SNX29: variants seen among roughly 807,000 people sequenced by gnomAD.
SNX29 encodes the protein sorting nexin-29.
A neutral mutation model predicts 102.1 loss-of-function variants in SNX29; 78 were observed. The observed-to-expected ratio is 0.76, with a 90% CI of 0.64 to 0.92. SNX29 has a LOEUF of 0.92. Ranked by LOEUF, SNX29 falls within the 40% of genes least tolerant of loss-of-function variation. The pLI is 0.00. For missense variants in SNX29, 1,280 were observed against 1,061.7 expected, an observed-to-expected ratio of 1.21 and a Z score of -2.86; for synonymous variants, 580 against 414.5, an observed-to-expected ratio of 1.40 and a Z score of -4.85.
chr16:12,164,380 T>C (rs1249136765), intron 13 of SNX29, among the ~76,000 whole-genome samples: 2 of 152,210 alleles, frequency 1.3e-5, no homozygotes, highest in African/African-American at 2.4e-5. Flanking sequence ...CGATAGTGAA[T>C]GACTGTAATA....
At chr16:12,080,112 G>A (rs2051790935) in intron 11 of SNX29, among the ~76,000 whole-genome samples, 1 of 152,082 alleles carries the variant, frequency 6.6e-6, no homozygotes, top group South Asian at 2.1e-4. Context: ...AAACGTTGAA[G>A]CTCCCCCGAC....
chr16:12,548,317 C>T (rs2077738796), intron 20 of SNX29, among the ~76,000 whole-genome samples: 1 of 152,210 alleles, frequency 6.6e-6, no homozygotes, highest in Non-Finnish European at 1.5e-5. Context: ...CCCTACTCTC[C>T]TGGCTTGGTG....
chr16:12,067,549 G>A (rs1567176524), intron 9 of SNX29, among the ~76,000 whole-genome samples: 1 of 152,166 alleles, frequency 6.6e-6, no homozygotes, highest in Non-Finnish European at 1.5e-5. Flanking sequence ...GTGCAGTGAC[G>A]TAATCTCAGC....
chr16:12,158,600 C>T (rs978499957), intron 13 of SNX29, among the ~76,000 whole-genome samples: 5 of 152,214 alleles, frequency 3.3e-5, no homozygotes, highest in African/African-American at 7.2e-5. Context: ...GCCTCACAGG[C>T]CAAGCTCACA....
intron 1 of SNX29, among the ~76,000 whole-genome samples, chr16:11,988,965 C>T (rs1355271696): frequency 6.6e-6 from 1 of 151,788 alleles, no homozygotes; most frequent in Non-Finnish European, 1.5e-5. Context: ...CTTGCCAATC[C>T]CTGCTCTAGA....
intron 20 of SNX29, among the ~76,000 whole-genome samples, chr16:12,542,104 C>A (rs532193179): frequency 6.6e-6 from 1 of 152,116 alleles, no homozygotes; most frequent in African/African-American, 2.4e-5. Context: ...CTCTTCCCAA[C>A]GGATCCCTAA....
At chr16:11,994,316 G>A (rs958707869) in intron 1 of SNX29, among the ~76,000 whole-genome samples, 2 of 152,186 alleles carry the variant, frequency 1.3e-5, no homozygotes, top group Admixed American at 1.3e-4. Context: ...ATCTAAATGA[G>A]AAATAAAAAG....
At chr16:12,393,381 G>GATTCATTCATTCATGCATGCATGCATTC (rs2083600011) in intron 16 of SNX29, among the ~76,000 whole-genome samples, 5 of 138,112 alleles carry the variant, frequency 3.6e-5, no homozygotes, top group African/African-American at 1.4e-4. Context: ...CATATCTTAT[G>GATTCATTCATTCATGCATGCATGCATTC]ATTCATTCAT....
intron 14 of SNX29, among the ~76,000 whole-genome samples, chr16:12,266,767 AT>A (rs575523399): frequency 5.0e-4 from 74 of 149,086 alleles, no homozygotes; most frequent in Middle Eastern, 3.4e-3. Flanking sequence ...AAGTATGTAA[AT>A]TTTTTTTTTC....
At chr16:12,059,353 G>A (rs2050672702) in intron 8 of SNX29, among the ~76,000 whole-genome samples, 1 of 152,174 alleles carries the variant, frequency 6.6e-6, no homozygotes. Context: ...GCCTCAGGAG[G>A]GCGCCTCTTG....
intron 13 of SNX29, among the ~76,000 whole-genome samples, chr16:12,143,948 C>T (rs1021044324): frequency 6.6e-6 from 1 of 152,184 alleles, no homozygotes; most frequent in African/African-American, 2.4e-5. Context: ...TTCCAGTGTG[C>T]AGTCAAGGTT....
At chr16:12,489,550 G>A (rs190332352) in intron 19 of SNX29, among the ~76,000 whole-genome samples, 16 of 152,318 alleles carry the variant, frequency 1.1e-4, no homozygotes, top group East Asian at 7.7e-4. Flanking sequence ...CTGTCACATG[G>A]TGGTGAGCAC....
chr16:12,563,946 C>T (rs75832267), intron 20 of SNX29, among the ~76,000 whole-genome samples: 1 of 152,056 alleles, frequency 6.6e-6, no homozygotes, highest in Admixed American at 6.5e-5. Context: ...TGATCTTGTT[C>T]AAGAAAGACG....
chr16:12,544,854 G>A (rs1383510379), intron 20 of SNX29, among the ~76,000 whole-genome samples: 1 of 152,202 alleles, frequency 6.6e-6, no homozygotes, highest in Non-Finnish European at 1.5e-5. Context: ...ATGCCCACAT[G>A]CAGCCAGTGT....
At chr16:12,017,098 C>T (rs1190156350) in intron 3 of SNX29, among the ~76,000 whole-genome samples, 4 of 152,238 alleles carry the variant, frequency 2.6e-5, no homozygotes, top group Non-Finnish European at 1.5e-5. Context: ...CACTGCACTC[C>T]AGTGTGGGTG....
At chr16:12,538,437 G>C (rs1010127947) in intron 20 of SNX29, among the ~76,000 whole-genome samples, 4 of 152,164 alleles carry the variant, frequency 2.6e-5, no homozygotes, top group African/African-American at 7.2e-5. Flanking sequence ...ACTGAGAATG[G>C]TTACTTGGTT....
intron 19 of SNX29, among the ~76,000 whole-genome samples, chr16:12,495,206 C>T (rs1567621830): frequency 6.6e-6 from 1 of 152,130 alleles, no homozygotes; most frequent in Non-Finnish European, 1.5e-5. Context: ...GCCTGGAGCA[C>T]AGTGGCATGG....
intron 14 of SNX29, among the ~76,000 whole-genome samples, chr16:12,276,846 G>A (rs1272648783): frequency 4.6e-5 from 7 of 152,182 alleles, no homozygotes; most frequent in Admixed American, 2.0e-4. Context: ...ACTCAGAGCC[G>A]TTTGTGTGCA....
intron 13 of SNX29, among the ~76,000 whole-genome samples, chr16:12,143,248 C>T (rs1354572911): frequency 2.0e-5 from 3 of 152,114 alleles, no homozygotes; most frequent in Non-Finnish European, 4.4e-5. Context: ...CCGTCCACCT[C>T]GGCCTCCCAA....
Sources: allele counts gnomAD v4.1 joint callset (sites outside exome capture counted in the v4.1 genomes callset), GRCh38; gene constraint gnomAD v4.1.1; transcripts MANE v1.5; gene names NCBI Gene and HGNC (gene_info 2026-07-23, HGNC 2026-07-21).